Variants in TOM1 observed in about 807,000 individuals in gnomAD.
TOM1 encodes the protein target of Myb protein 1.
TOM1 carries 38 observed loss-of-function variants against 61.3 expected under a neutral mutation model. That is an observed-to-expected ratio of 0.62 (90% CI 0.48 to 0.81). The LOEUF (loss-of-function observed/expected upper bound fraction) is 0.81. TOM1 is among the 40% of genes least tolerant of loss of function. The pLI, the probability that TOM1 is intolerant of heterozygous loss-of-function variation, is 0.00. For synonymous variants in TOM1, 270 were observed against 268.8 expected (o/e 1.00, Z -0.04); for missense variants, 591 against 659.6 (o/e 0.90, Z 1.14).
intron 7 of TOM1, among the ~76,000 whole-genome samples, chr22:35,328,430 C>T (rs114613375): frequency 9.9e-4 from 151 of 152,298 alleles, no homozygotes; most frequent in African/African-American, 3.5e-3. Context: ...ACATCGCTCA[C>T]GTAATCCTGA....
In TOM1 at chr22:35,322,015, A is replaced by G. The variant is rs779492546; in HGVS notation, c.194A>G (p.His65Arg). ...AGAATCGTGGGGAATAAGAACTTCC[A>G]CGAGGTGATGCTGGCTCTCACAGTG... ...KKRIVGNKNFHEVMLALTVLE... is the reference protein window; with the variant it reads ...KKRIVGNKNFREVMLALTVLE... The change falls in exon 3 of 15, where the codon CAC (histidine) becomes CGC (arginine). Residue 65 changes from histidine (H) to arginine (R), a missense_variant. By Grantham distance (29) the His-to-Arg change is conservative. Coordinates refer to ENST00000449058, the MANE Select transcript of TOM1 (RefSeq NM_005488.3). The G allele has an allele frequency of 6.2e-7, 1 of 1,614,128 alleles. No homozygotes were observed. The highest frequency in any genetic ancestry group is 8.5e-7 in the Non-Finnish European group (1 of 1,180,004).
chr22:35,313,559 C>A (rs1340663158), intron 1 of TOM1, among the ~76,000 whole-genome samples: 2 of 152,180 alleles, frequency 1.3e-5, no homozygotes, highest in Admixed American at 1.3e-4. Flanking sequence ...GCAGTCTTAT[C>A]CTGATTTTAC....
intron 11 of TOM1, chr22:35,335,857 A>T (rs558759981): frequency 6.5e-6 from 1 of 154,822 alleles, no homozygotes; most frequent in South Asian, 2.0e-4. Context: ...TCAGAGCTGG[A>T]CCAGGTGCTG....
chr22:35,319,044 G>A (rs902264856), intron 2 of TOM1, among the ~76,000 whole-genome samples: 3 of 152,188 alleles, frequency 2.0e-5, no homozygotes, highest in Non-Finnish European at 4.4e-5. Context: ...GGAACCTGCC[G>A]GTGTCTTCCT....
intron 12 of TOM1, 24 bp from the exon 13 acceptor site, chr22:35,345,701 C>G (rs1779002076): frequency 6.2e-7 from 1 of 1,612,592 alleles, no homozygotes; most frequent in Non-Finnish European, 8.5e-7. Flanking sequence ...AGGGCACTGC[C>G]TTACCCTCTG....
At chr22:35,329,711 A>G (rs1321408539) in intron 7 of TOM1, among the ~76,000 whole-genome samples, 1 of 152,188 alleles carries the variant, frequency 6.6e-6, no homozygotes, top group Non-Finnish European at 1.5e-5. Flanking sequence ...TTGTTCAGCC[A>G]GCCCCCTTTG....
chr22:35,333,420 A>G lies in TOM1; in HGVS notation c.950A>G (p.Glu317Gly), dbSNP rs754946902. Residue 317 changes from glutamate to glycine, a missense_variant, in exon 10 of 15, where the codon GAG (glutamate) becomes GGG (glycine). Physicochemically the swap from Glu to Gly is moderately conservative, Grantham distance 98. Coordinates refer to ENST00000449058, the MANE Select transcript of TOM1 (RefSeq NM_005488.3). ...GQTTKAPSEAEPAADLIDMGP... is the reference protein window; with the variant it reads ...GQTTKAPSEAGPAADLIDMGP... ...TCCCACCAGGCCCCAAGTGAGGCCGAGCCGGCAGCTGACCTGATCGACATG... is the reference window on the plus strand; with the variant it reads ...TCCCACCAGGCCCCAAGTGAGGCCGGGCCGGCAGCTGACCTGATCGACATG... 7 of 1,614,014 alleles carry G rather than the reference A, an allele frequency of 4.3e-6. No homozygotes were observed. The highest frequency in any genetic ancestry group is 5.9e-6 in the Non-Finnish European group (7 of 1,179,964).
intron 1 of TOM1, chr22:35,311,090 G>A (rs545079474): frequency 3.9e-5 from 6 of 152,672 alleles, no homozygotes; most frequent in East Asian, 1.9e-4. Flanking sequence ...GAAGCCTGAG[G>A]AGGGTGATGG....
Position 35,322,890 on chromosome 22 carries a change from C to G in TOM1, c.217-138C>G, listed in dbSNP as rs1388118260. 3.9e-6 allele frequency: 4 copies of G among 1,025,762 alleles called. No individual in the cohort carries two copies. In the East Asian group the frequency reaches 1.0e-4, roughly 26 times the overall value. The allele number at this position is 1,025,762 out of a possible 1,614,324, so 63.5% of individuals were successfully genotyped here. A position where few individuals can be genotyped will look rare whatever the true frequency, so the allele number is the denominator to read the frequency against. ...TGGCATTGTCCCAGTCCTCCACATTCAAGGGTCTCACTCCAGGAAGTCCCA... is the reference window on the plus strand; with the variant it reads ...TGGCATTGTCCCAGTCCTCCACATTGAAGGGTCTCACTCCAGGAAGTCCCA... On this transcript the variant is annotated intron_variant, in intron 3 of 14. Transcript: ENST00000449058.
intron 7 of TOM1, among the ~76,000 whole-genome samples, chr22:35,328,938 C>T (rs1340311177): frequency 6.6e-6 from 1 of 152,200 alleles, no homozygotes; most frequent in African/African-American, 2.4e-5. Flanking sequence ...AATGAAAACC[C>T]ATATGGCTAT....
intron 11 of TOM1, among the ~76,000 whole-genome samples, chr22:35,336,373 GTACCTGCCT>G (rs1429257639): frequency 6.6e-6 from 1 of 152,118 alleles, no homozygotes; most frequent in African/African-American, 2.4e-5. Context: ...GCTCCTCCCT[GTACCTGCCT>G]GGCTCCCCAC....
intron 7 of TOM1, among the ~76,000 whole-genome samples, chr22:35,329,162 G>T (rs1029264039): frequency 2.0e-5 from 3 of 152,158 alleles, no homozygotes; most frequent in Non-Finnish European, 4.4e-5. Context: ...CACCTTGTTG[G>T]CCAGGCTGGT....
chr22:35,310,638 A>G (rs568923038), intron 1 of TOM1, among the ~76,000 whole-genome samples: 1 of 152,356 alleles, frequency 6.6e-6, no homozygotes, highest in Non-Finnish European at 1.5e-5. Flanking sequence ...ATGAGTGCCC[A>G]AGTGTGGAGG....
intron 11 of TOM1, among the ~76,000 whole-genome samples, chr22:35,334,783 T>C (rs1288820564): frequency 6.6e-6 from 1 of 152,046 alleles, no homozygotes. Flanking sequence ...TTGGCAGCAC[T>C]AGGTTAGGAG....
chr22:35,302,464 G>A, intron 1 of TOM1, among the ~76,000 whole-genome samples: 1 of 27,492 alleles, frequency 3.6e-5, no homozygotes. Context: ...GCCTCCCAAG[G>A]TAGCCGGGAT....
intron 12 of TOM1, among the ~76,000 whole-genome samples, chr22:35,340,268 A>T (rs1929765610): frequency 6.6e-6 from 1 of 152,068 alleles, no homozygotes; most frequent in Admixed American, 6.6e-5. Context: ...CAGCATGGGG[A>T]CTTCTGAGGC....
In TOM1 at chr22:35,342,688, T is replaced by C. The variant is rs115654601; in HGVS notation, c.1225-3037T>C. On this transcript the variant is annotated intron_variant, in intron 12 of 14. Transcript: ENST00000449058. Reference sequence around the variant, plus strand: ...GGTACCACAATACCTGCCTCATCCCTCTACACCAGCCGCCACATCCACCAC... The same window carrying C: ...GGTACCACAATACCTGCCTCATCCCCCTACACCAGCCGCCACATCCACCAC... 7.4e-3 allele frequency among the ~76,000 whole-genome samples: 1,116 copies of C among 151,674 alleles called. 8 individuals carry two copies. Among genetic ancestry groups the C allele is most frequent in the African/African-American group, 0.026 (1,064 of 41,252 alleles).
Position 35,323,478 on chromosome 22 carries a change from C to A in TOM1, c.367-18C>A, listed in dbSNP as rs1928025326. Reference sequence around the variant, plus strand: ...GGTGAGCTGTGGTTACCGGCTGTGTCCCCTTGTCCCCTCTCAGTCCTGGGC... The same window carrying A: ...GGTGAGCTGTGGTTACCGGCTGTGTACCCTTGTCCCCTCTCAGTCCTGGGC... On this transcript the variant is annotated intron_variant, in intron 4 of 14. Coordinates refer to ENST00000449058, the MANE Select transcript of TOM1 (RefSeq NM_005488.3). This position sits in a 1 kb window ranked among gnomAD's most constrained non-coding sequence, Gnocchi z 4.2. 17 of 1,613,172 alleles carry A rather than the reference C, an allele frequency of 1.1e-5. No individual in the cohort carries two copies. Among genetic ancestry groups the A allele is most frequent in the Non-Finnish European group, 1.4e-5 (17 of 1,179,558 alleles).
At chr22:35,312,922 G>A (rs1926961259) in intron 1 of TOM1, among the ~76,000 whole-genome samples, 1 of 152,210 alleles carries the variant, frequency 6.6e-6, no homozygotes, top group Admixed American at 6.5e-5. Context: ...GCGTGGAGGT[G>A]ACAGTGCAGG....
Sources: gnomAD v4.1 joint callset for allele counts (sites outside exome capture counted in the v4.1 genomes callset) on GRCh38, gnomAD v4.1.1 for gene constraint, Gnocchi (gnomAD v3.1) non-coding constraint, MANE v1.5 for transcripts, NCBI Gene and HGNC (gene_info 2026-07-23, HGNC 2026-07-21) for gene names.